TNFAIP1: variants seen among roughly 807,000 people sequenced by gnomAD.
The protein encoded by TNFAIP1 is BTB/POZ domain-containing adapter for CUL3-mediated RhoA degradation protein 2.
In TNFAIP1, 20 loss-of-function variants were observed where a neutral mutation model predicts 32.6. That is an observed-to-expected ratio of 0.61 (90% CI 0.43 to 0.89). The LOEUF is 0.89. Ranked by LOEUF, TNFAIP1 falls within the 40% of genes least tolerant of loss-of-function variation. The probability of loss-of-function intolerance (pLI) is 0.00; values close to 1 mark genes in which losing one functional copy is unlikely to be tolerated. For missense variants in TNFAIP1, 319 were observed against 425.1 expected, an observed-to-expected ratio of 0.75 and a Z score of 2.20; for synonymous variants, 166 against 166.8, an observed-to-expected ratio of 1.00 and a Z score of 0.04.
chr17:28,344,225 G>C (rs1555578560), intron 6 of TNFAIP1, 139 bp from the exon 7 acceptor site: 3 of 750,994 alleles, frequency 4.0e-6, no homozygotes, highest in Non-Finnish European at 6.8e-6. Context: ...GAGGGAGGCT[G>C]GCTTTCCCTG....
intron 1 of TNFAIP1, among the ~76,000 whole-genome samples, chr17:28,338,718 TTGG>T (rs1597793182): frequency 6.6e-6 from 1 of 152,044 alleles, no homozygotes; most frequent in East Asian, 1.9e-4. Context: ...GTAGGTTTGG[TTGG>T]AAGTCTGGGA....
At chr17:28,338,507 A>G (rs1287952265) in intron 1 of TNFAIP1, among the ~76,000 whole-genome samples, 1 of 152,014 alleles carries the variant, frequency 6.6e-6, no homozygotes, top group Non-Finnish European at 1.5e-5. Context: ...AACCTGCACC[A>G]AGAACACTGG....
At position 28,344,404 on chromosome 17, in the gene TNFAIP1, A is replaced by G. The variant is rs1597795835; in HGVS notation, c.755A>G (p.Asn252Ser). The G allele has an allele frequency of 1.9e-6, 3 of 1,613,858 alleles. No individual in the cohort carries two copies. Among genetic ancestry groups the G allele is most frequent in the South Asian group, 2.2e-5 (2 of 91,070 alleles). Reference sequence around the variant, plus strand: ...GCCCGAATCTATGAGGAGACACTCAACGTCCTACTCTATGAGACTCCCCGC... The same window carrying G: ...GCCCGAATCTATGAGGAGACACTCAGCGTCCTACTCTATGAGACTCCCCGC... ...PEARIYEETL[N>S]VLLYETPRVP... is the part of the protein sequence containing the mutation. Residue 252 changes from asparagine to serine, a missense_variant, in exon 7 of 7, where the codon AAC (asparagine) becomes AGC (serine). Asn to Ser is a conservative substitution (Grantham distance 46). Transcript: ENST00000226225.
chr17:28,339,016 C>T (rs1478656592), intron 1 of TNFAIP1, among the ~76,000 whole-genome samples: 1 of 149,704 alleles, frequency 6.7e-6, no homozygotes, highest in Non-Finnish European at 1.5e-5. Context: ...GGATCGCCTG[C>T]GCTCAGGAAT....
In TNFAIP1 at chr17:28,346,633, T is replaced by C. The variant is rs1438183557; in HGVS notation, c.*2033T>C. 6.6e-6 allele frequency: 1 copy of C among 152,266 alleles called. No homozygotes were observed. Among genetic ancestry groups the C allele is most frequent in the East Asian group, 1.9e-4 (1 of 5,208 alleles). 9.4% of individuals were successfully genotyped at this position (152,266 alleles called of 1,614,324 possible). A position where few individuals can be genotyped will look rare whatever the true frequency, so the allele number is the denominator to read the frequency against. Reference sequence around the variant, plus strand: ...AATACTAACATTGAACTCACTGACATGATCTTAGCTTCTTTAATCAGACTT... The same window carrying C: ...AATACTAACATTGAACTCACTGACACGATCTTAGCTTCTTTAATCAGACTT... On this transcript the variant is annotated 3_prime_UTR_variant, in exon 7 of 7. Transcript: ENST00000226225.
chr17:28,341,908 G>A (rs1555578218), intron 5 of TNFAIP1, among the ~76,000 whole-genome samples: 1 of 152,188 alleles, frequency 6.6e-6, no homozygotes, highest in East Asian at 1.9e-4. Context: ...ATGATTCCCT[G>A]TGGCCAGGCA....
chr17:28,341,182 A>G (rs527546038), intron 3 of TNFAIP1, 55 bp from the exon 4 acceptor site: 4 of 1,600,896 alleles, frequency 2.5e-6, no homozygotes, highest in East Asian at 4.5e-5. Context: ...GTATACCTCG[A>G]TAAGCCTGGG....
chr17:28,339,711 C>A lies in TNFAIP1; in HGVS notation c.190C>A (p.Leu64Met). The change falls in exon 2 of 7, where the codon CTG (leucine) becomes ATG (methionine). Residue 64 changes from leucine to methionine, a missense_variant. By Grantham distance (15) the Leu-to-Met change is conservative. Transcript: ENST00000226225. ...KAMFSGRMEV[L>M]TDKEGWILID... ...CATGTTCAGTGGGCGCATGGAGGTG[C>A]TGACCGACAAAGAAGGTGAGGCACT... 6.2e-7 allele frequency: 1 copy of A among 1,613,762 alleles called. No individual in the cohort carries two copies. Among genetic ancestry groups the A allele is most frequent in the Non-Finnish European group, 8.5e-7 (1 of 1,179,924 alleles).
rs558488957 is a variant in TNFAIP1 at position 28,340,962 on chromosome 17, C to G, written c.376-275C>G. On this transcript the variant is annotated intron_variant, in intron 3 of 6. Coordinates refer to ENST00000226225, the MANE Select transcript of TNFAIP1 (RefSeq NM_021137.5). This position sits in a 1 kb window ranked among gnomAD's most constrained non-coding sequence, Gnocchi z 4.1. ...GTTTCACCATGTTTTCCAGGCTAGT[C>G]TCGAACTGCTGGGCTCAAGTGATCT... Among the ~76,000 whole-genome samples the G allele has an allele frequency of 5.9e-5, 9 of 152,278 alleles. No individual in the cohort carries two copies. In the East Asian group the frequency reaches 1.7e-3, roughly 29 times the overall value.
chr17:28,341,231 G>A lies in TNFAIP1; in HGVS notation c.376-6G>A, dbSNP rs782729293. 30 of 1,613,608 alleles carry A rather than the reference G, an allele frequency of 1.9e-5. No homozygotes were observed. The Admixed American group carries it at 2.8e-4, about 15-fold the overall frequency. On this transcript the variant is annotated splice_region_variant and splice_polypyrimidine_tract_variant and intron_variant, in intron 3 of 6. Coordinates refer to ENST00000226225, the MANE Select transcript of TNFAIP1 (RefSeq NM_021137.5). ...TAAAGAGGGTTCTCTGTTCTGTGTC[G>A]CACAGGACAAGAAGGACTCCTACCA...
Position 28,339,641 on chromosome 17 carries a change from C to T in TNFAIP1, c.120C>T (p.Tyr40=). 6.2e-7 allele frequency: 1 copy of T among 1,613,834 alleles called. No individual in the cohort carries two copies. Among genetic ancestry groups the T allele is most frequent in the Non-Finnish European group, 8.5e-7 (1 of 1,180,022 alleles). The change falls in exon 2 of 7, where the codon TAC becomes TAT. Residue 40 remains tyrosine (Y), a synonymous_variant. Coordinates refer to ENST00000226225, the MANE Select transcript of TNFAIP1 (RefSeq NM_021137.5). ...VQLNVGGSLY[Y]TTVRALTRHD... Reference sequence around the variant, plus strand: ...TCAACGTGGGCGGCTCTCTGTACTACACCACTGTGCGGGCCCTGACCCGCC... The same window carrying T: ...TCAACGTGGGCGGCTCTCTGTACTATACCACTGTGCGGGCCCTGACCCGCC...
chr17:28,339,669 G>A lies in TNFAIP1; in HGVS notation c.148G>A (p.Asp50Asn). 5 of 1,614,064 alleles carry A rather than the reference G, an allele frequency of 3.1e-6. No individual in the cohort carries two copies. Among genetic ancestry groups the A allele is most frequent in the African/African-American group, 1.3e-5 (1 of 75,048 alleles). ...CACTGTGCGGGCCCTGACCCGCCAC[G>A]ACACCATGCTCAAGGCCATGTTCAG... is the stretch of plus-strand genomic sequence containing the variant. ...YTTVRALTRH[D>N]TMLKAMFSGR... Residue 50 changes from aspartate (D) to asparagine (N), a missense_variant, in exon 2 of 7, where the codon GAC (aspartate) becomes AAC (asparagine). Asp to Asn is a conservative substitution (Grantham distance 23, BLOSUM62 1). Transcript: ENST00000226225.
Position 28,340,510 on chromosome 17 carries a change from A to G in TNFAIP1, c.375+32A>G. On this transcript the variant is annotated intron_variant, in intron 3 of 6. Coordinates refer to ENST00000226225, the MANE Select transcript of TNFAIP1 (RefSeq NM_021137.5). This position sits in a 1 kb window ranked among gnomAD's most constrained non-coding sequence, Gnocchi z 4.1. ...GGGTGGGGCGGAGCAGGGCGGGCAG[A>G]TGAGGTCAGGAGTTGCCCCCTTCTT... 7 of 1,610,206 alleles carry G rather than the reference A, an allele frequency of 4.3e-6. No homozygotes were observed. The highest frequency in any genetic ancestry group is 5.9e-6 in the Non-Finnish European group (7 of 1,177,614).
At position 28,342,522 on chromosome 17, in the gene TNFAIP1, C is replaced by T. The variant is rs781795496; in HGVS notation, c.714+80C>T. ...GGACGTGGTCGGGCTGTGACCAGCACGGAGCAAAAGGGGCATGGACTTGGC... is the reference window on the plus strand; with the variant it reads ...GGACGTGGTCGGGCTGTGACCAGCATGGAGCAAAAGGGGCATGGACTTGGC... On this transcript the variant is annotated intron_variant, in intron 6 of 6. Transcript: ENST00000226225. The surrounding 1 kb of genome is among the most constrained non-coding windows in gnomAD (Gnocchi z 4.0). 23 of 1,389,264 alleles carry T rather than the reference C, an allele frequency of 1.7e-5. No homozygotes were observed. The highest frequency in any genetic ancestry group is 9.4e-5 in the Admixed American group (4 of 42,532). 86.1% of individuals were successfully genotyped at this position (1,389,264 alleles called of 1,614,324 possible). A position where few individuals can be genotyped will look rare whatever the true frequency, so the allele number is the denominator to read the frequency against.
chr17:28,341,550 G>A (rs782486646), intron 5 of TNFAIP1, 94 bp downstream of exon 5: 3 of 1,444,440 alleles, frequency 2.1e-6, no homozygotes, highest in Admixed American at 1.8e-5. Context: ...TCTGGGCCTG[G>A]GTCTTGGAAC....
chr17:28,339,749 C>A, intron 2 of TNFAIP1, 23 bp downstream of exon 2: 1 of 1,608,570 alleles, frequency 6.2e-7, no homozygotes, highest in South Asian at 1.1e-5. Flanking sequence ...GGCTGCCGCT[C>A]GGGGTGGGGA....
rs1907572633 is a variant in TNFAIP1 at position 28,346,495 on chromosome 17, T to C, written c.*1895T>C. 1 of 152,258 alleles carries C rather than the reference T, an allele frequency of 6.6e-6. No homozygotes were observed. The highest frequency in any genetic ancestry group is 2.1e-4 in the South Asian group (1 of 4,832). 9.4% of individuals were successfully genotyped at this position (152,258 alleles called of 1,614,324 possible). On this transcript the variant is annotated 3_prime_UTR_variant, in exon 7 of 7. Transcript: ENST00000226225. The stretch of plus-strand genomic sequence containing the variant: ...CCCATCCCCTTTAGTCCCTGCTTAC[T>C]ACTTTGACATTCACATCCTCAGTGT...
intron 1 of TNFAIP1, 149 bp from the exon 2 acceptor site, chr17:28,339,259 A>AAT: frequency 3.2e-6 from 1 of 309,578 alleles, no homozygotes; most frequent in Non-Finnish European, 5.9e-6. Flanking sequence ...AAAAAAAAAA[A>AAT]GAAAGCAAAA....
intron 6 of TNFAIP1, among the ~76,000 whole-genome samples, chr17:28,344,153 T>G (rs1258376971): frequency 1.3e-5 from 2 of 152,052 alleles, no homozygotes; most frequent in African/African-American, 4.8e-5. Context: ...GGCAGGGGTG[T>G]GGAGGATGTT....
Sources: allele counts gnomAD v4.1 joint callset (sites outside exome capture counted in the v4.1 genomes callset), GRCh38; gene constraint gnomAD v4.1.1; non-coding constraint Gnocchi (gnomAD v3.1); transcripts MANE v1.5; gene names NCBI Gene and HGNC (gene_info 2026-07-23, HGNC 2026-07-21).